EPS15: variants seen among roughly 807,000 people sequenced by gnomAD.
The protein encoded by EPS15 is epidermal growth factor receptor pathway substrate 15.
EPS15 carries 72 observed loss-of-function variants against 113.8 expected under a neutral mutation model. The observed-to-expected ratio is 0.63, with a 90% CI of 0.52 to 0.77. The LOEUF (loss-of-function observed/expected upper bound fraction) is 0.77. Ranked by LOEUF, EPS15 falls within the 30% of genes least tolerant of loss-of-function variation. EPS15 has a pLI of 0.00. For missense variants in EPS15, 1,048 were observed against 1,045.8 expected, an observed-to-expected ratio of 1.00 and a Z score of -0.03; for synonymous variants, 344 against 363.4, an observed-to-expected ratio of 0.95 and a Z score of 0.61.
At chr1:51,461,673 A>G (rs563878793) in intron 7 of EPS15, 1 of 152,398 alleles carries the variant, frequency 6.6e-6, no homozygotes, top group African/African-American at 2.4e-5. Context: ...GTAATAAAAT[A>G]ACAACAGTGT....
chr1:51,464,810 C>A (rs941199669), intron 6 of EPS15, among the ~76,000 whole-genome samples: 7 of 152,270 alleles, frequency 4.6e-5, no homozygotes, highest in African/African-American at 1.4e-4. Context: ...ATTTGATCTG[C>A]TATAGTCTAA....
At chr1:51,392,444 T>C (rs1321422307) in intron 21 of EPS15, among the ~76,000 whole-genome samples, 1 of 152,346 alleles carries the variant, frequency 6.6e-6, no homozygotes, top group East Asian at 1.9e-4. Flanking sequence ...TATCATCATT[T>C]ATTCTACCAC....
At chr1:51,489,236 T>G (rs1026263167) in intron 1 of EPS15, among the ~76,000 whole-genome samples, 3 of 150,056 alleles carry the variant, frequency 2.0e-5, no homozygotes, top group African/African-American at 7.3e-5. Context: ...AATGTAAATA[T>G]AATAAACTTT....
rs58622883 is a variant in EPS15 at position 51,508,304 on chromosome 1, A to G, written c.33+10895T>C. 8.3e-3 allele frequency among the ~76,000 whole-genome samples: 1,018 copies of G among 122,402 alleles called. 21 individuals carry two copies. The highest frequency in any genetic ancestry group is 0.033 in the African/African-American group (907 of 27,454). 80.3% of individuals were successfully genotyped at this position (122,402 alleles called of 152,430 possible). On this transcript the variant is annotated intron_variant, in intron 1 of 24. Coordinates refer to ENST00000371733, the MANE Select transcript of EPS15 (RefSeq NM_001981.3). ...AGAAAGAGAGAAAGAGAGAGAGAGA[A>G]AGAGAGAAAGAGAGAAAGAGAGAAA...
At chr1:51,361,376 T>G in intron 23 of EPS15, 21 bp from the exon 24 acceptor site, 1 of 1,587,490 alleles carries the variant, frequency 6.3e-7, no homozygotes, top group Non-Finnish European at 8.6e-7. Flanking sequence ...ATCATTACAA[T>G]TAATTCAACC....
Position 51,475,212 on chromosome 1 carries a change from G to A in EPS15, c.76-2264C>T, listed in dbSNP as rs187693546. Among the ~76,000 whole-genome samples the A allele has an allele frequency of 3.6e-3, 549 of 152,232 alleles. 3 individuals are homozygous for A. Among genetic ancestry groups the A allele is most frequent in the African/African-American group, 0.012 (506 of 41,522 alleles). ...GTATATACTCAGTAATGGGACGGCT[G>A]GGTCAAATGGTATTTCTAGTTCTAG... On this transcript the variant is annotated intron_variant, in intron 2 of 24. Coordinates refer to ENST00000371733, the MANE Select transcript of EPS15 (RefSeq NM_001981.3).
intron 21 of EPS15, among the ~76,000 whole-genome samples, chr1:51,376,011 G>T (rs1257813665): frequency 6.6e-6 from 1 of 152,190 alleles, no homozygotes; most frequent in Non-Finnish European, 1.5e-5. Context: ...TTAGATAATT[G>T]ATCTATAAAG....
intron 20 of EPS15, among the ~76,000 whole-genome samples, chr1:51,396,090 T>G (rs190149227): frequency 9.2e-5 from 14 of 152,302 alleles, no homozygotes; most frequent in Admixed American, 6.5e-4. Context: ...ATGAAAACTA[T>G]GAATGATAAA....
intron 1 of EPS15, among the ~76,000 whole-genome samples, chr1:51,516,252 A>G (rs1644714137): frequency 6.6e-6 from 1 of 152,248 alleles, no homozygotes; most frequent in Admixed American, 6.5e-5. Flanking sequence ...TCCTTAGATC[A>G]GCTAATTCAA....
chr1:51,451,633 G>C (rs1054792414), intron 8 of EPS15, among the ~76,000 whole-genome samples: 2 of 151,516 alleles, frequency 1.3e-5, no homozygotes, highest in African/African-American at 4.9e-5. Flanking sequence ...TTTTTTCACT[G>C]TATATCTTCT....
intron 16 of EPS15, 50 bp downstream of exon 16, chr1:51,405,855 G>A (rs1649070906): frequency 6.1e-6 from 9 of 1,470,160 alleles, no homozygotes; most frequent in East Asian, 2.3e-5. Flanking sequence ...GTGAAACTTG[G>A]ATCTGCACAA....
At chr1:51,389,932 C>G (rs993688660) in intron 21 of EPS15, among the ~76,000 whole-genome samples, 2 of 152,200 alleles carry the variant, frequency 1.3e-5, no homozygotes, top group African/African-American at 4.8e-5. Context: ...ATCAAGCTAC[C>G]AATGACTTTC....
At chr1:51,417,157 CTAAGA>C (rs1482973865) in intron 13 of EPS15, among the ~76,000 whole-genome samples, 9 of 151,960 alleles carry the variant, frequency 5.9e-5, no homozygotes, top group African/African-American at 1.9e-4. Flanking sequence ...TTATTTCTAT[CTAAGA>C]TAAGTCATCC....
rs944276230 is a variant in EPS15 at position 51,394,011 on chromosome 1, T to C, written c.2119+370A>G. Among the ~76,000 whole-genome samples, 8 of 152,372 alleles carry C rather than the reference T, an allele frequency of 5.3e-5. 1 individual carries two copies. Among genetic ancestry groups the C allele is most frequent in the Middle Eastern group, 6.8e-3 (2 of 294 alleles). On this transcript the variant is annotated intron_variant, in intron 21 of 24. Transcript: ENST00000371733. ...TATTAACAGAACCCATTTGTATTTG[T>C]AAAGCAATTTTCATTTTCTACTGGA... is the stretch of plus-strand genomic sequence containing the variant.
intron 21 of EPS15, 25 bp downstream of exon 21, chr1:51,394,356 T>G (rs1414669662): frequency 2.7e-6 from 4 of 1,492,166 alleles, no homozygotes; most frequent in Non-Finnish European, 3.7e-6. Flanking sequence ...TAATGTTCAA[T>G]GAAGTTGATA....
chr1:51,448,599 T>C (rs968370003), intron 8 of EPS15, among the ~76,000 whole-genome samples: 18 of 152,296 alleles, frequency 1.2e-4, no homozygotes, highest in African/African-American at 3.6e-4. Flanking sequence ...AGATGAAAAC[T>C]GTAAGTTAAA....
intron 10 of EPS15, among the ~76,000 whole-genome samples, chr1:51,445,756 T>G (rs1050751397): frequency 3.9e-5 from 6 of 152,370 alleles, no homozygotes; most frequent in East Asian, 1.9e-4. Flanking sequence ...ACATAGATCT[T>G]AAATTCCAGC....
intron 1 of EPS15, among the ~76,000 whole-genome samples, chr1:51,508,897 ATCCTT>A (rs1036846481): frequency 6.6e-6 from 1 of 152,242 alleles, no homozygotes; most frequent in Non-Finnish European, 1.5e-5. Context: ...GATTTATGTT[ATCCTT>A]TCAAGTACAG....
rs1342657564 is a variant in EPS15, at chr1:51,508,336, GAGAGAAAGAA to G, written c.33+10853_33+10862del. On this transcript the variant is annotated intron_variant, in intron 1 of 24. Coordinates refer to ENST00000371733, the MANE Select transcript of EPS15 (RefSeq NM_001981.3). ...AAAGAGAGAAAGAGAGAAAGAGAAA[GAGAGAAAGAA>G]AGAAAGAAAGAAAGAAAGAAAGAAA... Among the ~76,000 whole-genome samples the G allele has an allele frequency of 1.6e-3, 191 of 121,934 alleles. 1 individual carries two copies. The highest frequency in any genetic ancestry group is 6.7e-3 in the African/African-American group (182 of 27,266). 80.0% of individuals were successfully genotyped at this position (121,934 alleles called of 152,430 possible).
Sources: gnomAD v4.1 joint callset for allele counts (sites outside exome capture counted in the v4.1 genomes callset) on GRCh38, gnomAD v4.1.1 for gene constraint, MANE v1.5 for transcripts, NCBI Gene and HGNC (gene_info 2026-07-23, HGNC 2026-07-21) for gene names.